SLC27A6: variants seen among roughly 807,000 people sequenced by gnomAD.
SLC27A6 encodes the protein solute carrier family 27 member 6, also known as long-chain fatty acid transport protein 6.
In SLC27A6, 74 loss-of-function variants were observed where a neutral mutation model predicts 63.9. The observed-to-expected ratio is 1.16, with a 90% CI of 0.96 to 1.40. The LOEUF (loss-of-function observed/expected upper bound fraction) is 1.40. Ranked by LOEUF, SLC27A6 falls within the 40% of genes most tolerant of loss-of-function variation. The pLI is 0.00. For synonymous variants in SLC27A6, 287 were observed against 260.8 expected (o/e 1.10, Z -0.97); for missense variants, 794 against 732.9 (o/e 1.08, Z -0.96).
intron 5 of SLC27A6, among the ~76,000 whole-genome samples, chr5:129,020,561 A>G (rs938491300): frequency 7.9e-5 from 12 of 152,198 alleles, no homozygotes; most frequent in South Asian, 2.1e-4. Flanking sequence ...AGATAACAAC[A>G]GAATTTAAAA....
At chr5:128,971,979 A>G (rs10060455) in intron 1 of SLC27A6, among the ~76,000 whole-genome samples, 54,203 of 151,776 alleles carry the variant, frequency 0.36, 9,743 homozygotes, top group Admixed American at 0.39. Flanking sequence ...ATCTCTCAGC[A>G]TTTGCTTGTT....
chr5:128,969,146 A>G (rs1183524742), intron 1 of SLC27A6, among the ~76,000 whole-genome samples: 1 of 152,150 alleles, frequency 6.6e-6, no homozygotes, highest in Non-Finnish European at 1.5e-5. Flanking sequence ...TACTAGTACC[A>G]TGCTGTTTTG....
chr5:129,032,402 C>A (rs1752442914), intron 9 of SLC27A6, among the ~76,000 whole-genome samples: 2 of 152,022 alleles, frequency 1.3e-5, no homozygotes, highest in South Asian at 4.1e-4. Context: ...TTTCATGTTC[C>A]ATGATGATTT....
intron 1 of SLC27A6, among the ~76,000 whole-genome samples, chr5:128,972,171 C>T (rs535775008): frequency 2.0e-5 from 3 of 152,144 alleles, no homozygotes; most frequent in African/African-American, 7.2e-5. Context: ...GGTAACCCGA[C>T]CTTTCTCTCT....
In SLC27A6 at chr5:129,028,336, T is replaced by C. The variant is rs377646060; in HGVS notation, c.1455-9T>C. The C allele has an allele frequency of 5.7e-6, 9 of 1,591,290 alleles. No individual in the cohort carries two copies. The African/African-American group carries it at 1.1e-4, about 19-fold the overall frequency. ...GTGCACTAACTGGAATTTGATTTTT[T>C]TCATTTAGATGGAAAGGAGAAAATG... On this transcript the variant is annotated splice_polypyrimidine_tract_variant and intron_variant, in intron 7 of 9. Transcript: ENST00000262462.
chr5:129,025,174 T>C (rs1474888357), intron 6 of SLC27A6, among the ~76,000 whole-genome samples: 2 of 152,208 alleles, frequency 1.3e-5, no homozygotes, highest in African/African-American at 4.8e-5. Context: ...GGAATTCTCA[T>C]TATGAGCTAC....
At chr5:129,032,594 T>C (rs1391785118) in intron 9 of SLC27A6, among the ~76,000 whole-genome samples, 1 of 152,054 alleles carries the variant, frequency 6.6e-6, no homozygotes, top group Non-Finnish European at 1.5e-5. Context: ...GTGAGGACCT[T>C]GGAAATTCAC....
At chr5:129,001,089 C>T (rs902159579) in intron 4 of SLC27A6, among the ~76,000 whole-genome samples, 8 of 152,188 alleles carry the variant, frequency 5.3e-5, no homozygotes, top group African/African-American at 1.9e-4. Flanking sequence ...ATCTCTGAAA[C>T]CACGGCCCAC....
chr5:129,004,188 A>G (rs759491155), intron 4 of SLC27A6, among the ~76,000 whole-genome samples: 11 of 151,986 alleles, frequency 7.2e-5, no homozygotes, highest in Non-Finnish European at 5.9e-5. Flanking sequence ...GTGTCTCTCT[A>G]TGTTCCTCTC....
chr5:129,014,906 A>G (rs1751842191), intron 4 of SLC27A6, among the ~76,000 whole-genome samples: 1 of 151,942 alleles, frequency 6.6e-6, no homozygotes, highest in African/African-American at 2.4e-5. Context: ...TTACCTCTCA[A>G]CTCACTTCTC....
intron 4 of SLC27A6, among the ~76,000 whole-genome samples, chr5:128,992,859 G>C (rs1751029591): frequency 6.6e-6 from 1 of 152,158 alleles, no homozygotes; most frequent in Non-Finnish European, 1.5e-5. Flanking sequence ...AAGCTCATCT[G>C]CTTTCTAAAC....
intron 4 of SLC27A6, among the ~76,000 whole-genome samples, chr5:128,992,033 A>G (rs1345873147): frequency 2.6e-5 from 4 of 151,220 alleles, no homozygotes; most frequent in South Asian, 2.1e-4. Context: ...TATTATTATA[A>G]ATTATTTATC....
chr5:128,967,633 T>A (rs1329004410), intron 1 of SLC27A6, among the ~76,000 whole-genome samples: 2 of 152,194 alleles, frequency 1.3e-5, no homozygotes, highest in Non-Finnish European at 2.9e-5. Flanking sequence ...TATTTGTATA[T>A]CAAACCAAAG....
chr5:128,978,440 G>T (rs1383620452), intron 1 of SLC27A6, among the ~76,000 whole-genome samples: 1 of 152,150 alleles, frequency 6.6e-6, no homozygotes, highest in Non-Finnish European at 1.5e-5. Flanking sequence ...GTGCCTTTTA[G>T]TTAGCCTTGA....
chr5:128,998,369 TTAGAG>T (rs949956228), intron 4 of SLC27A6, among the ~76,000 whole-genome samples: 34 of 152,210 alleles, frequency 2.2e-4, no homozygotes, highest in African/African-American at 8.2e-4. Flanking sequence ...ATTTATAAAA[TTAGAG>T]TAATTTTGTA....
rs116762083 is a variant in SLC27A6, at chr5:129,001,317, C to T, written c.969+10853C>T. Among the ~76,000 whole-genome samples, 532 of 152,326 alleles carry T rather than the reference C, an allele frequency of 3.5e-3. 5 individuals are homozygous for T. The highest frequency in any genetic ancestry group is 0.012 in the African/African-American group (518 of 41,572). On this transcript the variant is annotated intron_variant, in intron 4 of 9. Transcript: ENST00000262462. ...ATGCCTATTTTTCTGCCCCAGTTCTCCGACATCCTGTTCGCATTTAGTGTT... is the reference window on the plus strand; with the variant it reads ...ATGCCTATTTTTCTGCCCCAGTTCTTCGACATCCTGTTCGCATTTAGTGTT...
At position 128,966,620 on chromosome 5, in the gene SLC27A6, T is replaced by TA. The variant is rs1749913864; in HGVS notation, c.481+3dup. ...CCAGAGCCCTAGTGGTGGGCGCAGGTAGAGTATGGGGTGTGGTCTGCCTAT... is the reference window on the plus strand; with the variant it reads ...CCAGAGCCCTAGTGGTGGGCGCAGGTAAGAGTATGGGGTGTGGTCTGCCTAT... On this transcript the variant is annotated splice_region_variant and intron_variant, in intron 1 of 9. Transcript: ENST00000262462. The TA allele has an allele frequency of 6.6e-7, 1 of 1,513,370 alleles. No homozygotes were observed. Among genetic ancestry groups the TA allele is most frequent in the Non-Finnish European group, 8.8e-7 (1 of 1,139,908 alleles). The allele number at this position is 1,513,370 out of a possible 1,614,324, so 93.7% of individuals were successfully genotyped here.
At chr5:129,005,824 G>A (rs1751503552) in intron 4 of SLC27A6, among the ~76,000 whole-genome samples, 1 of 151,562 alleles carries the variant, frequency 6.6e-6, no homozygotes, top group Admixed American at 6.6e-5. Context: ...GTGTTAGCCA[G>A]GATGGTCTCG....
chr5:128,990,397 A>G lies in SLC27A6; in HGVS notation c.902A>G (p.Lys301Arg), dbSNP rs61744871. The change falls in exon 4 of 10, where the codon AAG (lysine) becomes AGG (arginine). Residue 301 changes from lysine to arginine, a missense_variant. Physicochemically the swap from Lys to Arg is conservative, Grantham distance 26. Transcript: ENST00000262462. ...GCAAGCCAGTTTTGGAGTGACTGCAAGAAGTATGATGTGACTGTGTTTCAG... is the reference window on the plus strand; with the variant it reads ...GCAAGCCAGTTTTGGAGTGACTGCAGGAAGTATGATGTGACTGTGTTTCAG... ...FSASQFWSDC[K>R]KYDVTVFQYI... 2,845 of 1,614,002 alleles carry G rather than the reference A, an allele frequency of 1.8e-3. 34 individuals carry two copies. In the African/African-American group the frequency reaches 0.031, roughly 18 times the overall value.
Sources: allele counts gnomAD v4.1 joint callset (sites outside exome capture counted in the v4.1 genomes callset), GRCh38; gene constraint gnomAD v4.1.1; transcripts MANE v1.5; gene names NCBI Gene and HGNC (gene_info 2026-07-23, HGNC 2026-07-21).